Variants in ZC3H14 observed in about 807,000 individuals in gnomAD.
ZC3H14 encodes zinc finger CCCH-type containing 14.
In ZC3H14, 31 loss-of-function variants were observed where a neutral mutation model predicts 92.4. The ratio of observed to expected loss-of-function variants is 0.34; its 90% CI spans 0.25 to 0.45. The LOEUF (loss-of-function observed/expected upper bound fraction) is 0.45. Ranked by LOEUF, ZC3H14 falls within the 20% of genes least tolerant of loss-of-function variation. The pLI, the probability that ZC3H14 is intolerant of heterozygous loss-of-function variation, is 1.00. For missense variants in ZC3H14, 781 were observed against 897.3 expected, an observed-to-expected ratio of 0.87 and a Z score of 1.66; for synonymous variants, 321 against 300.9, an observed-to-expected ratio of 1.07 and a Z score of -0.69.
chr14:88,605,634 T>A (rs1178136559), intron 12 of ZC3H14, among the ~76,000 whole-genome samples: 2 of 152,208 alleles, frequency 1.3e-5, no homozygotes, highest in Non-Finnish European at 2.9e-5. Context: ...ACATCCTATT[T>A]AAAGCTTAAA....
At chr14:88,570,510 C>T (rs2080249590) in intron 3 of ZC3H14, among the ~76,000 whole-genome samples, 1 of 152,148 alleles carries the variant, frequency 6.6e-6, no homozygotes, top group South Asian at 2.1e-4. Context: ...TTGTCCAAGA[C>T]ACCATCTAGT....
intron 9 of ZC3H14, among the ~76,000 whole-genome samples, chr14:88,593,262 A>G (rs1036813963): frequency 1.3e-5 from 2 of 152,270 alleles, no homozygotes; most frequent in Middle Eastern, 3.4e-3. Flanking sequence ...CACCACGCCC[A>G]GCCTAGATGT....
intron 9 of ZC3H14, among the ~76,000 whole-genome samples, chr14:88,593,894 CAAA>C (rs11339975): frequency 6.7e-6 from 1 of 148,624 alleles, no homozygotes; most frequent in Non-Finnish European, 1.5e-5. Context: ...AAGATACTAT[CAAA>C]AAAAAAAAAG....
chr14:88,594,776 C>T, intron 9 of ZC3H14: 6 of 1,613,972 alleles, frequency 3.7e-6, no homozygotes, highest in Non-Finnish European at 5.1e-6. Context: ...ATTTTTCTTC[C>T]ACCGGAGCCA....
chr14:88,608,386 G>A, intron 13 of ZC3H14: 1 of 433,830 alleles, frequency 2.3e-6, no homozygotes, highest in South Asian at 1.8e-5. Flanking sequence ...GCTGATTTTG[G>A]CTTTCAGTTT....
chr14:88,620,770 C>T lies in ZC3H14; in HGVS notation c.*9019C>T. On this transcript the variant is annotated 3_prime_UTR_variant, in exon 17 of 17. Coordinates refer to ENST00000251038, the MANE Select transcript of ZC3H14 (RefSeq NM_024824.5). The surrounding 1 kb of genome is among the most constrained non-coding windows in gnomAD (Gnocchi z 4.3). The stretch of plus-strand genomic sequence containing the variant: ...TTCACTAACCTGATATCATGGATTG[C>T]ACATCTCCTGTCTCTCTTCTTTCCC... 2 of 1,596,926 alleles carry T rather than the reference C, an allele frequency of 1.3e-6. No individual in the cohort carries two copies. Among genetic ancestry groups the T allele is most frequent in the East Asian group, 2.2e-5 (1 of 44,714 alleles).
intron 2 of ZC3H14, among the ~76,000 whole-genome samples, chr14:88,563,947 T>G (rs899161969): frequency 6.6e-6 from 1 of 152,164 alleles, no homozygotes; most frequent in Admixed American, 6.5e-5. Flanking sequence ...GAATTTTATT[T>G]TATGTTTTTC....
At position 88,622,041 on chromosome 14, in the gene ZC3H14, C is replaced by A. The variant is rs771121978; in HGVS notation, c.*10290C>A. 1.5e-5 allele frequency: 5 copies of A among 333,144 alleles called. No homozygotes were observed. The highest frequency in any genetic ancestry group is 2.5e-5 in the Non-Finnish European group (4 of 161,774). The allele number at this position is 333,144 out of a possible 1,614,324, so 20.6% of individuals were successfully genotyped here. On this transcript the variant is annotated 3_prime_UTR_variant, in exon 17 of 17. Coordinates refer to ENST00000251038, the MANE Select transcript of ZC3H14 (RefSeq NM_024824.5). The stretch of plus-strand genomic sequence containing the variant: ...CTTCCCTATCCCCCTCCCCCTCCCC[C>A]TTGTCCGCCTCCAGTAACCACTATT...
At position 88,618,042 on chromosome 14, in the gene ZC3H14, G is replaced by C; in HGVS notation, c.*6291G>C. ...AAAAACTTGATAAATCATGGAAACT[G>C]ATAAAACATGGAAATATATTCAATA... On this transcript the variant is annotated 3_prime_UTR_variant, in exon 17 of 17. Transcript: ENST00000251038. 1 of 398,400 alleles carries C rather than the reference G, an allele frequency of 2.5e-6. No homozygotes were observed. The highest frequency in any genetic ancestry group is 4.4e-6 in the Non-Finnish European group (1 of 226,774). 24.7% of individuals were successfully genotyped at this position (398,400 alleles called of 1,614,324 possible).
Position 88,619,607 on chromosome 14 carries a change from T to C in ZC3H14, c.*7856T>C, listed in dbSNP as rs1020371753. On this transcript the variant is annotated 3_prime_UTR_variant, in exon 17 of 17. Transcript: ENST00000251038. ...TCTGGAAAAAACGTTGTCTTAATAT[T>C]AAGCAAAGAACACAGCCCAGCTTAA... 2.6e-5 allele frequency: 4 copies of C among 152,250 alleles called. No homozygotes were observed. The highest frequency in any genetic ancestry group is 5.9e-5 in the Non-Finnish European group (4 of 68,050). The allele number at this position is 152,250 out of a possible 1,614,324, so 9.4% of individuals were successfully genotyped here. A position where few individuals can be genotyped will look rare whatever the true frequency, so the allele number is the denominator to read the frequency against.
At position 88,620,632 on chromosome 14, in the gene ZC3H14, T is replaced by C. The variant is rs1340214641; in HGVS notation, c.*8881T>C. On this transcript the variant is annotated 3_prime_UTR_variant, in exon 17 of 17. Transcript: ENST00000251038. This position sits in a 1 kb window ranked among gnomAD's most constrained non-coding sequence, Gnocchi z 4.3. ...AACAGCCATATTTTAGCATACAATT[T>C]ATAATACGGGAAATGCTACAGGCCC... is the stretch of plus-strand genomic sequence containing the variant. 1 of 781,096 alleles carries C rather than the reference T, an allele frequency of 1.3e-6. No homozygotes were observed. Among genetic ancestry groups the C allele is most frequent in the Non-Finnish European group, 1.9e-6 (1 of 537,456 alleles). The allele number at this position is 781,096 out of a possible 1,614,324, so 48.4% of individuals were successfully genotyped here. A position where few individuals can be genotyped will look rare whatever the true frequency, so the allele number is the denominator to read the frequency against.
chr14:88,578,048 C>G lies in ZC3H14; in HGVS notation c.1187C>G (p.Ala396Gly), dbSNP rs868558374. ...CGAACTTCTCAAGAAGAATTGCTAG[C>G]AGAAGTGGTCCAGGGACAAAGTAGG... is the stretch of plus-strand genomic sequence containing the variant. ...RTRTSQEELLAEVVQGQSRTP... is the reference protein window; with the variant it reads ...RTRTSQEELLGEVVQGQSRTP... Residue 396 changes from alanine to glycine, a missense_variant, in exon 9 of 17, where the codon GCA (alanine) becomes GGA (glycine). Coordinates refer to ENST00000251038, the MANE Select transcript of ZC3H14 (RefSeq NM_024824.5). The G allele has an allele frequency of 1.2e-6, 2 of 1,614,122 alleles. No homozygotes were observed. Among genetic ancestry groups the G allele is most frequent in the Non-Finnish European group, 1.7e-6 (2 of 1,180,024 alleles).
chr14:88,566,779 G>A (rs1255166993), intron 2 of ZC3H14, among the ~76,000 whole-genome samples: 1 of 152,102 alleles, frequency 6.6e-6, no homozygotes, highest in African/African-American at 2.4e-5. Flanking sequence ...CATTAGCTGG[G>A]TGTGGTGGCA....
In ZC3H14 at chr14:88,612,621, A is replaced by G. The variant is rs2086955866; in HGVS notation, c.*870A>G. 6.6e-6 allele frequency: 1 copy of G among 152,656 alleles called. No homozygotes were observed. The highest frequency in any genetic ancestry group is 1.5e-5 in the Non-Finnish European group (1 of 68,046). The allele number at this position is 152,656 out of a possible 1,614,324, so 9.5% of individuals were successfully genotyped here. A position where few individuals can be genotyped will look rare whatever the true frequency, so the allele number is the denominator to read the frequency against. ...CTGAAAAATAACATTCTCAGAATCC[A>G]CAGAAAATATACTTAGTTACTACTG... is the stretch of plus-strand genomic sequence containing the variant. On this transcript the variant is annotated 3_prime_UTR_variant, in exon 17 of 17. Coordinates refer to ENST00000251038, the MANE Select transcript of ZC3H14 (RefSeq NM_024824.5).
chr14:88,563,501 TG>T, intron 1 of ZC3H14, 149 bp from the exon 2 acceptor site: 4 of 1,467,090 alleles, frequency 2.7e-6, no homozygotes, highest in East Asian at 2.4e-5. Context: ...GGGTGCGGGG[TG>T]GGGGGCGGTG....
In ZC3H14 at chr14:88,612,024, G is replaced by A. The variant is rs2140182389; in HGVS notation, c.*273G>A. 8 of 504,180 alleles carry A rather than the reference G, an allele frequency of 1.6e-5. No homozygotes were observed. In the South Asian group the frequency reaches 1.9e-4, roughly 12 times the overall value. The allele number at this position is 504,180 out of a possible 1,614,324, so 31.2% of individuals were successfully genotyped here. ...GTTAAAATATTTGGGGCATGTTTGT[G>A]CACTGCTGTTGTGAGGATCAGCATA... On this transcript the variant is annotated 3_prime_UTR_variant, in exon 17 of 17. Coordinates refer to ENST00000251038, the MANE Select transcript of ZC3H14 (RefSeq NM_024824.5).
At chr14:88,586,348 GTTTCACTGAAACATGTCTGT>G (rs1410226095) in intron 9 of ZC3H14, among the ~76,000 whole-genome samples, 1 of 152,110 alleles carries the variant, frequency 6.6e-6, no homozygotes, top group African/African-American at 2.4e-5. Context: ...TTTTTTGGAA[GTTTCACTGAAACATGTCTGT>G]TGGCAATATA....
chr14:88,594,095 G>A (rs891671060), intron 9 of ZC3H14, among the ~76,000 whole-genome samples: 5 of 146,598 alleles, frequency 3.4e-5, no homozygotes, highest in African/African-American at 7.6e-5. Context: ...TACTTTCTCC[G>A]CCCTTTCCCT....
Position 88,572,676 on chromosome 14 carries a change from A to T in ZC3H14, c.530A>T (p.Glu177Val), listed in dbSNP as rs1382341349. ...PSEDVIDIKP[E>V]PDDLIDEDLN... ...GAAGATGTGATTGATATTAAGCCAGAACCAGATGATCTCATTGACGAAGAC... is the reference window on the plus strand; with the variant it reads ...GAAGATGTGATTGATATTAAGCCAGTACCAGATGATCTCATTGACGAAGAC... Residue 177 changes from glutamate to valine, a missense_variant, in exon 6 of 17, where the codon GAA (glutamate) becomes GTA (valine). Physicochemically the swap from Glu to Val is moderately radical, Grantham distance 121. Around this residue, in one of 3 missense-constraint regions of ZC3H14, gnomAD observed 454 missense variants for 438.5 expected, o/e 1.04. Coordinates refer to ENST00000251038, the MANE Select transcript of ZC3H14 (RefSeq NM_024824.5). 6.2e-7 allele frequency: 1 copy of T among 1,614,254 alleles called. No individual in the cohort carries two copies. The highest frequency in any genetic ancestry group is 1.7e-5 in the Admixed American group (1 of 60,030).
Sources: gnomAD v4.1 joint callset for allele counts (sites outside exome capture counted in the v4.1 genomes callset) on GRCh38, gnomAD v4.1.1 for gene constraint, gnomAD v4.1.1 regional missense constraint, Gnocchi (gnomAD v3.1) non-coding constraint, MANE v1.5 for transcripts, NCBI Gene and HGNC (gene_info 2026-07-23, HGNC 2026-07-21) for gene names.